KCNK2: variants seen among roughly 807,000 people sequenced by gnomAD.
The protein encoded by KCNK2 is potassium channel subfamily K member 2.
In KCNK2, 21 loss-of-function variants were observed where a neutral mutation model predicts 40.5. The ratio of observed to expected loss-of-function variants is 0.52; its 90% confidence interval spans 0.37 to 0.75. The LOEUF (loss-of-function observed/expected upper bound fraction) is 0.75. KCNK2 is among the 30% of genes least tolerant of loss of function. The probability of loss-of-function intolerance (pLI) is 0.00; values close to 1 mark genes in which losing one functional copy is unlikely to be tolerated. For synonymous variants in KCNK2, 191 were observed against 202.2 expected (o/e 0.94, Z 0.47); for missense variants, 399 against 531.6 (o/e 0.75, Z 2.45).
At chr1:215,163,345 A>G (rs1334906300) in intron 3 of KCNK2, among the ~76,000 whole-genome samples, 2 of 152,194 alleles carry the variant, frequency 1.3e-5, no homozygotes, top group African/African-American at 2.4e-5. Flanking sequence ...TTCTAAATAT[A>G]CAATCACGTG....
chr1:215,017,119 G>A (rs1656620597), intron 1 of KCNK2, among the ~76,000 whole-genome samples: 1 of 152,084 alleles, frequency 6.6e-6, no homozygotes, highest in African/African-American at 2.4e-5. Context: ...TGAAGAAAAG[G>A]GAACTCTTAC....
chr1:215,032,364 T>C (rs1657232133), intron 1 of KCNK2, among the ~76,000 whole-genome samples: 1 of 152,096 alleles, frequency 6.6e-6, no homozygotes, highest in African/African-American at 2.4e-5. Flanking sequence ...GCTGTGATCA[T>C]GCCACTGTAC....
intron 6 of KCNK2, among the ~76,000 whole-genome samples, chr1:215,198,391 T>G (rs1664954229): frequency 1.3e-5 from 2 of 152,140 alleles, no homozygotes; most frequent in Non-Finnish European, 2.9e-5. Context: ...CAAAATGGGG[T>G]CATGAATTCA....
intron 1 of KCNK2, among the ~76,000 whole-genome samples, chr1:215,070,297 T>C (rs1442234689): frequency 6.6e-6 from 1 of 151,046 alleles, no homozygotes; most frequent in Non-Finnish European, 1.5e-5. Flanking sequence ...GCACCTGTAG[T>C]CCCAGCTACT....
chr1:215,062,344 T>C (rs1658389896), intron 1 of KCNK2, among the ~76,000 whole-genome samples: 1 of 152,026 alleles, frequency 6.6e-6, no homozygotes, highest in Non-Finnish European at 1.5e-5. Context: ...TTTGGATCAG[T>C]TTAAACCATT....
chr1:215,064,613 A>G (rs1658475939), intron 1 of KCNK2, among the ~76,000 whole-genome samples: 1 of 152,148 alleles, frequency 6.6e-6, no homozygotes. Context: ...CCTTAAAGAA[A>G]TGCAGGTAAC....
At chr1:215,199,692 A>T (rs1456756700) in intron 6 of KCNK2, among the ~76,000 whole-genome samples, 1 of 152,208 alleles carries the variant, frequency 6.6e-6, no homozygotes, top group African/African-American at 2.4e-5. Flanking sequence ...TCTTCTGAGG[A>T]AATAATGTTT....
rs913080442 is a variant in KCNK2 at position 215,124,615 on chromosome 1, T to G, written c.358-18T>G. ...GTGTGATTCATGTGTACTGATAAAT[T>G]TCTTTTTAAACTTGCAGCAAATAGT... is the stretch of plus-strand genomic sequence containing the variant. On this transcript the variant is annotated intron_variant, in intron 2 of 6. Transcript: ENST00000444842. 2.1e-6 allele frequency: 3 copies of G among 1,458,322 alleles called. No individual in the cohort carries two copies. The highest frequency in any genetic ancestry group is 1.7e-5 in the Admixed American group (1 of 59,778). 90.3% of individuals were successfully genotyped at this position (1,458,322 alleles called of 1,614,324 possible). A position where few individuals can be genotyped will look rare whatever the true frequency, so the allele number is the denominator to read the frequency against.
intron 6 of KCNK2, among the ~76,000 whole-genome samples, chr1:215,226,317 T>C (rs903810336): frequency 9.2e-5 from 14 of 152,188 alleles, no homozygotes; most frequent in African/African-American, 3.1e-4. Context: ...GTCTTGTTTT[T>C]TATTTGTTTT....
chr1:215,190,051 T>C (rs1057390588), intron 5 of KCNK2, among the ~76,000 whole-genome samples: 25 of 152,258 alleles, frequency 1.6e-4, no homozygotes. Context: ...TGTATGGAAC[T>C]GATAACCTTA....
At chr1:215,033,974 T>C (rs553150872) in intron 1 of KCNK2, among the ~76,000 whole-genome samples, 1 of 152,306 alleles carries the variant, frequency 6.6e-6, no homozygotes, top group Non-Finnish European at 1.5e-5. Flanking sequence ...GTCTACACTA[T>C]GTCTTCAGTA....
intron 2 of KCNK2, among the ~76,000 whole-genome samples, chr1:215,101,441 A>C (rs1660213331): frequency 6.6e-6 from 1 of 151,912 alleles, no homozygotes; most frequent in Non-Finnish European, 1.5e-5. Flanking sequence ...AGGAAAAGGC[A>C]GCACATGCAA....
At position 215,171,978 on chromosome 1, in the gene KCNK2, C is replaced by T. The variant is rs769544100; in HGVS notation, c.637-19C>T. 4 of 1,573,530 alleles carry T rather than the reference C, an allele frequency of 2.5e-6. No individual in the cohort carries two copies. The South Asian group carries it at 3.4e-5, about 13-fold the overall frequency. ...TATACATATATATATATACACACAC[C>T]TTTCTGTCTCATCCCTAGAAGTGGA... is the stretch of plus-strand genomic sequence containing the variant. On this transcript the variant is annotated intron_variant, in intron 4 of 6. Coordinates refer to ENST00000444842, the MANE Select transcript of KCNK2 (RefSeq NM_001017425.3).
chr1:215,177,740 A>ATATATATATATAT (rs71167812), intron 5 of KCNK2, among the ~76,000 whole-genome samples: 23 of 101,598 alleles, frequency 2.3e-4, no homozygotes, highest in Non-Finnish European at 4.0e-4. Context: ...ATATATATAT[A>ATATATATATATAT]TTTTTTTTTT....
upstream of KCNK2, among the ~76,000 whole-genome samples, chr1:215,080,477 T>G (rs1009610844): frequency 5.9e-5 from 9 of 152,232 alleles, no homozygotes; most frequent in Non-Finnish European, 1.2e-4. Context: ...ATGTAGGGTA[T>G]ACCCTGGTTC....
intron 6 of KCNK2, among the ~76,000 whole-genome samples, chr1:215,207,082 A>C (rs1250605991): frequency 6.6e-6 from 1 of 152,182 alleles, no homozygotes; most frequent in Non-Finnish European, 1.5e-5. Flanking sequence ...ACCAGTTGAC[A>C]CAATGATAAT....
At chr1:215,185,818 A>G (rs186783019) in intron 5 of KCNK2, among the ~76,000 whole-genome samples, 1 of 152,290 alleles carries the variant, frequency 6.6e-6, no homozygotes, top group East Asian at 1.9e-4. Flanking sequence ...AATCTGCAAA[A>G]CCTGCAAAAT....
chr1:215,187,296 T>A (rs946949593), intron 5 of KCNK2, among the ~76,000 whole-genome samples: 1 of 152,222 alleles, frequency 6.6e-6, no homozygotes, highest in African/African-American at 2.4e-5. Context: ...AAGTTAAAGT[T>A]AATGGCAAAA....
chr1:215,171,246 G>A (rs1054876702), intron 4 of KCNK2, among the ~76,000 whole-genome samples: 1 of 152,082 alleles, frequency 6.6e-6, no homozygotes, highest in African/African-American at 2.4e-5. Flanking sequence ...TTACACTATA[G>A]AGATTTTTTT....
Sources: allele counts gnomAD v4.1 joint callset (sites outside exome capture counted in the v4.1 genomes callset), GRCh38; gene constraint gnomAD v4.1.1; transcripts MANE v1.5; gene names NCBI Gene and HGNC (gene_info 2026-07-23, HGNC 2026-07-21).